The following IGFL2 variants were observed in gnomAD, a reference collection of about 807,000 sequenced individuals.
The protein encoded by IGFL2 is IGF like family member 2.
Under a neutral mutation model 13.9 loss-of-function variants are expected in IGFL2, and 7 were observed. That is an observed-to-expected ratio of 0.51 (90% CI 0.29 to 0.95). The LOEUF is 0.95. IGFL2 is among the 40% of genes least tolerant of loss of function. The probability of loss-of-function intolerance (pLI) is 0.08; values close to 1 mark genes in which losing one functional copy is unlikely to be tolerated. For missense variants in IGFL2, 138 were observed against 147.8 expected (o/e 0.93, Z 0.34); for synonymous variants, 55 against 55.8 (o/e 0.99, Z 0.07).
the IGFL2 span, among the ~76,000 whole-genome samples, chr19:46,172,174 T>C: frequency 1.3e-5 from 2 of 152,098 alleles, no homozygotes; most frequent in African/African-American, 2.4e-5. Flanking sequence ...TAGTCTAAGG[T>C]AGAAGAAATC....
At chr19:46,158,560 G>A (rs889692742) in intron 1 of IGFL2, among the ~76,000 whole-genome samples, 1 of 149,840 alleles carries the variant, frequency 6.7e-6, no homozygotes, top group Non-Finnish European at 1.5e-5. Context: ...TGGGGGGGCG[G>A]GTGGGTATAG....
At chr19:46,129,657 T>C in the IGFL2 span, among the ~76,000 whole-genome samples, 6 of 152,198 alleles carry the variant, frequency 3.9e-5, no homozygotes, top group Non-Finnish European at 5.9e-5. Flanking sequence ...AATTTCCATG[T>C]AATTGTATGG....
chr19:46,110,626 A>G, the IGFL2 span, among the ~76,000 whole-genome samples: 1 of 152,214 alleles, frequency 6.6e-6, no homozygotes, highest in African/African-American at 2.4e-5. Context: ...TAAAAATACA[A>G]CTTTTTTGCT....
the IGFL2 span, among the ~76,000 whole-genome samples, chr19:46,122,265 T>C: frequency 6.6e-6 from 1 of 151,040 alleles, no homozygotes; most frequent in Non-Finnish European, 1.5e-5. Context: ...AAAACATCTT[T>C]AGCCAGGGTA....
At chr19:46,133,596 G>A in the IGFL2 span, among the ~76,000 whole-genome samples, 5 of 152,322 alleles carry the variant, frequency 3.3e-5, no homozygotes, top group Admixed American at 3.3e-4. Flanking sequence ...GGCATGCCAG[G>A]GCAAATATCT....
the IGFL2 span, chr19:46,174,101 C>G: frequency 6.6e-6 from 1 of 152,360 alleles, no homozygotes; most frequent in Admixed American, 6.5e-5. Flanking sequence ...GCACCCCTGC[C>G]TGCCTGGGCT....
At chr19:46,185,444 G>C in the IGFL2 span, among the ~76,000 whole-genome samples, 1 of 152,162 alleles carries the variant, frequency 6.6e-6, no homozygotes, top group Non-Finnish European at 1.5e-5. Context: ...CTTCACTCCT[G>C]CTCCCTTAGA....
At chr19:46,082,990 G>A in the IGFL2 span, among the ~76,000 whole-genome samples, 2,052 of 152,172 alleles carry the variant, frequency 0.013, 32 homozygotes, top group Middle Eastern at 0.027. Flanking sequence ...TCTCTTTTGG[G>A]GCATTTGGAT....
chr19:46,173,637 CACTT>C, the IGFL2 span: 9 of 152,286 alleles, frequency 5.9e-5, no homozygotes, highest in African/African-American at 1.9e-4. Context: ...GGTGAGAACT[CACTT>C]ATTACTGTGA....
chr19:46,163,482 G>A (rs1015366959), downstream of IGFL2, among the ~76,000 whole-genome samples: 2 of 152,214 alleles, frequency 1.3e-5, no homozygotes, highest in Non-Finnish European at 2.9e-5. Flanking sequence ...ATGAGCAGTG[G>A]GAGAGGGAGT....
At chr19:46,182,488 A>T in the IGFL2 span, among the ~76,000 whole-genome samples, 1 of 150,848 alleles carries the variant, frequency 6.6e-6, no homozygotes, top group African/African-American at 2.4e-5. Flanking sequence ...CATAATTTCT[A>T]TTTGCTAAAA....
intron 1 of IGFL2, chr19:46,148,936 A>G (rs1296228702): frequency 6.4e-7 from 1 of 1,561,812 alleles, no homozygotes; most frequent in Non-Finnish European, 8.7e-7. Context: ...CCAGCCCTGT[A>G]GCCCAGGCAC....
the IGFL2 span, among the ~76,000 whole-genome samples, chr19:46,123,151 C>G: frequency 2.0e-5 from 3 of 150,452 alleles, 1 homozygote; most frequent in African/African-American, 4.9e-5. Context: ...ATTTTATGAA[C>G]TTAAAGCTGA....
At chr19:46,118,348 G>A in the IGFL2 span, among the ~76,000 whole-genome samples, 4 of 152,158 alleles carry the variant, frequency 2.6e-5, no homozygotes, top group Non-Finnish European at 4.4e-5. Flanking sequence ...GTTCACCAGA[G>A]AAGAGATGGG....
the IGFL2 span, among the ~76,000 whole-genome samples, chr19:46,178,288 A>C: frequency 6.6e-6 from 1 of 151,902 alleles, no homozygotes; most frequent in East Asian, 1.9e-4. Flanking sequence ...AAAAGAAAAA[A>C]AAAATAGAGA....
the IGFL2 span, among the ~76,000 whole-genome samples, chr19:46,084,727 T>C: frequency 6.6e-6 from 1 of 152,182 alleles, no homozygotes; most frequent in Non-Finnish European, 1.5e-5. Context: ...CACCAAGGGA[T>C]GGCACTAAGC....
chr19:46,116,933 A>G, the IGFL2 span, among the ~76,000 whole-genome samples: 1 of 151,890 alleles, frequency 6.6e-6, no homozygotes, highest in African/African-American at 2.4e-5. Context: ...ACACAAGTTA[A>G]ATTAATTAAC....
the IGFL2 span, among the ~76,000 whole-genome samples, chr19:46,167,337 C>A: frequency 6.6e-6 from 1 of 152,114 alleles, no homozygotes; most frequent in Non-Finnish European, 1.5e-5. Flanking sequence ...GCAGGAGAGC[C>A]GCAGCCCCTT....
rs530259038 is a variant in IGFL2, at chr19:46,160,699, C to A, written c.159C>A (p.Tyr53Ter). The change falls in exon 3 of 4, where the codon TAC becomes TAA. Residue 53 changes from tyrosine to a stop codon, truncating the protein, a stop_gained. Coordinates refer to ENST00000377693, the MANE Select transcript of IGFL2 (RefSeq NM_001135113.2). LOFTEE classifies it high-confidence loss of function. ...KIYNPLEQCCYNDAIVSLSET... is the reference protein window; with the variant it reads ...KIYNPLEQCC The stretch of plus-strand genomic sequence containing the variant: ...ACAACCCCTTGGAGCAGTGCTGTTA[C>A]AATGACGCCATCGTGTCCCTGAGCG... 32 of 1,614,220 alleles carry A rather than the reference C, an allele frequency of 2.0e-5. No individual in the cohort carries two copies. In the South Asian group the frequency reaches 2.9e-4, roughly 14 times the overall value.
Sources: allele counts gnomAD v4.1 joint callset (sites outside exome capture counted in the v4.1 genomes callset), GRCh38; gene constraint gnomAD v4.1.1; transcripts MANE v1.5; gene names NCBI Gene and HGNC (gene_info 2026-07-23, HGNC 2026-07-21).